The following DNAI7 variants were observed in gnomAD, a reference collection of about 807,000 sequenced individuals.
DNAI7 encodes the protein dynein axonemal intermediate chain 7.
In DNAI7, 78 loss-of-function variants were observed where a neutral mutation model predicts 86.6. The ratio of observed to expected loss-of-function variants is 0.90; its 90% CI spans 0.75 to 1.09. DNAI7 has a LOEUF of 1.09. Ranked by LOEUF, DNAI7 falls within the 50% of genes least tolerant of loss-of-function variation. DNAI7 has a pLI of 0.00. For missense variants in DNAI7, 753 were observed against 810.2 expected (o/e 0.93, Z 0.86); for synonymous variants, 274 against 273.0 (o/e 1.00, Z -0.04).
At chr12:25,149,518 A>G in intron 7 of DNAI7, 110 bp downstream of exon 7, 1 of 752,626 alleles carries the variant, frequency 1.3e-6, no homozygotes. Context: ...TTATTCTGCT[A>G]ACTTTTCCAT....
intron 14 of DNAI7, among the ~76,000 whole-genome samples, chr12:25,110,997 T>C (rs188454364): frequency 1.3e-5 from 2 of 152,268 alleles, no homozygotes; most frequent in South Asian, 2.1e-4. Flanking sequence ...AACAGGCAAT[T>C]TGAGTTACTA....
chr12:25,190,633 TA>T lies in DNAI7; in HGVS notation c.4-3del. ...ACATACCTTTTTTGCTTTGGGACCC[TA>T]AAAGTTGGAAAACAAAAGAATTGAT... On this transcript the variant is annotated splice_region_variant and splice_polypyrimidine_tract_variant and intron_variant, in intron 1 of 15. Transcript: ENST00000395987. 7.1e-7 allele frequency: 1 copy of T among 1,409,308 alleles called. No individual in the cohort carries two copies. The highest frequency in any genetic ancestry group is 9.7e-7 in the Non-Finnish European group (1 of 1,031,640). The allele number at this position is 1,409,308 out of a possible 1,614,324, so 87.3% of individuals were successfully genotyped here. A position where few individuals can be genotyped will look rare whatever the true frequency, so the allele number is the denominator to read the frequency against.
At chr12:25,109,462 C>T (rs1239690762) in intron 15 of DNAI7, among the ~76,000 whole-genome samples, 1 of 152,092 alleles carries the variant, frequency 6.6e-6, no homozygotes, top group Non-Finnish European at 1.5e-5. Context: ...TCATAGCTCA[C>T]TTCAGCCTCA....
chr12:25,167,174 G>T (rs1356427426), intron 2 of DNAI7, among the ~76,000 whole-genome samples: 1 of 152,156 alleles, frequency 6.6e-6, no homozygotes, highest in African/African-American at 2.4e-5. Context: ...GGCAGGCTAT[G>T]CTATAGTACA....
At chr12:25,118,473 G>C (rs1442591525) in intron 12 of DNAI7, among the ~76,000 whole-genome samples, 1 of 151,566 alleles carries the variant, frequency 6.6e-6, no homozygotes. Context: ...ATGTTGGCCA[G>C]GCTAATGTCA....
At chr12:25,161,234 A>G (rs1946808104) in intron 2 of DNAI7, 37 bp from the exon 3 acceptor site, 1 of 1,537,892 alleles carries the variant, frequency 6.5e-7, no homozygotes, top group Non-Finnish European at 9.0e-7. Context: ...GGCTATTAAC[A>G]TGCAAGTTAC....
At chr12:25,112,932 G>T (rs979572081) in intron 13 of DNAI7, among the ~76,000 whole-genome samples, 1 of 152,136 alleles carries the variant, frequency 6.6e-6, no homozygotes, top group Non-Finnish European at 1.5e-5. Flanking sequence ...AGACAGCACA[G>T]ATCTACTAAC....
At chr12:25,169,445 T>C (rs560155519) in intron 2 of DNAI7, among the ~76,000 whole-genome samples, 2 of 152,284 alleles carry the variant, frequency 1.3e-5, no homozygotes, top group East Asian at 3.9e-4. Context: ...CCTACCTGCA[T>C]CCAGGTGATT....
chr12:25,126,749 T>C (rs1942192401), intron 9 of DNAI7, among the ~76,000 whole-genome samples: 1 of 152,210 alleles, frequency 6.6e-6, no homozygotes. Context: ...ATTATTTACC[T>C]TTAAAAACCA....
intron 2 of DNAI7, among the ~76,000 whole-genome samples, chr12:25,163,739 C>A (rs1443539284): frequency 6.6e-6 from 1 of 152,172 alleles, no homozygotes; most frequent in Admixed American, 6.5e-5. Context: ...GACCAACCAG[C>A]CCAAGGAACA....
At chr12:25,190,806 C>T (rs74455555) in intron 1 of DNAI7, among the ~76,000 whole-genome samples, 175 bp from the exon 2 acceptor site, 34 of 152,148 alleles carry the variant, frequency 2.2e-4, no homozygotes, top group East Asian at 2.1e-3. Flanking sequence ...AAATAAAATG[C>T]TTTTTTAAAA....
chr12:25,174,362 C>G (rs1380496887), intron 2 of DNAI7, among the ~76,000 whole-genome samples: 1 of 486 alleles, frequency 2.1e-3, no homozygotes, highest in African/African-American at 2.6e-3. Flanking sequence ...ATATATATCC[C>G]ATATATATGT....
intron 9 of DNAI7, among the ~76,000 whole-genome samples, chr12:25,138,849 C>G (rs1943855747): frequency 6.8e-6 from 1 of 148,034 alleles, no homozygotes; most frequent in Non-Finnish European, 1.5e-5. Flanking sequence ...AAAGAAATAG[C>G]TAAGATCAGA....
chr12:25,117,938 C>CTTTTTTT (rs776942936), intron 12 of DNAI7, among the ~76,000 whole-genome samples: 18 of 135,010 alleles, frequency 1.3e-4, no homozygotes, highest in Admixed American at 1.6e-4. Context: ...TTTTCTTTTT[C>CTTTTTTT]TTTTTTTTTT....
intron 6 of DNAI7, among the ~76,000 whole-genome samples, chr12:25,152,839 C>G (rs1049275289): frequency 8.5e-5 from 13 of 152,140 alleles, no homozygotes; most frequent in Non-Finnish European, 1.5e-4. Flanking sequence ...GTGAGAAAAC[C>G]CCACATACAT....
intron 2 of DNAI7, among the ~76,000 whole-genome samples, chr12:25,170,809 A>G (rs2141141995): frequency 6.6e-6 from 1 of 152,372 alleles, no homozygotes; most frequent in Admixed American, 6.5e-5. Context: ...TAAAACTGGA[A>G]ATCAACTCCA....
intron 9 of DNAI7, among the ~76,000 whole-genome samples, chr12:25,129,815 T>G (rs1224473032): frequency 6.6e-6 from 1 of 151,622 alleles, no homozygotes; most frequent in African/African-American, 2.4e-5. Flanking sequence ...CAGGCTGGAG[T>G]GTAATGGCAT....
chr12:25,168,024 AC>A (rs1421601099), intron 2 of DNAI7, among the ~76,000 whole-genome samples: 1 of 152,140 alleles, frequency 6.6e-6, no homozygotes, highest in Non-Finnish European at 1.5e-5. Flanking sequence ...TTGGTCGTAG[AC>A]ACTCGACGTT....
At chr12:25,167,405 G>C (rs1299592901) in intron 2 of DNAI7, among the ~76,000 whole-genome samples, 1 of 152,016 alleles carries the variant, frequency 6.6e-6, no homozygotes, top group Non-Finnish European at 1.5e-5. Flanking sequence ...CTGCTGGCAG[G>C]GGACCCTCCA....
Sources: allele counts gnomAD v4.1 joint callset (sites outside exome capture counted in the v4.1 genomes callset), GRCh38; gene constraint gnomAD v4.1.1; transcripts MANE v1.5; gene names NCBI Gene and HGNC (gene_info 2026-07-23, HGNC 2026-07-21).